SUPT3H: variants seen among roughly 807,000 people sequenced by gnomAD.
SUPT3H encodes the protein SPT3 homolog, SAGA and STAGA complex component, also known as transcription initiation protein SPT3 homolog.
SUPT3H carries 44 observed loss-of-function variants against 44.3 expected under a neutral mutation model. The ratio of observed to expected loss-of-function variants is 0.99; its 90% CI spans 0.78 to 1.28. The LOEUF (loss-of-function observed/expected upper bound fraction) is 1.28. Ranked by LOEUF, SUPT3H falls within the 50% of genes most tolerant of loss-of-function variation. The probability of loss-of-function intolerance (pLI) is 0.00; values close to 1 mark genes in which losing one functional copy is unlikely to be tolerated. For missense variants in SUPT3H, 380 were observed against 387.1 expected, an observed-to-expected ratio of 0.98 and a Z score of 0.15; for synonymous variants, 124 against 125.6, an observed-to-expected ratio of 0.99 and a Z score of 0.09.
chr6:44,906,183 TTA>T (rs1045188170), intron 10 of SUPT3H, among the ~76,000 whole-genome samples: 1 of 152,118 alleles, frequency 6.6e-6, no homozygotes, highest in African/African-American at 2.4e-5. Flanking sequence ...TAAAACTATT[TTA>T]GTTATTTTGA....
intron 2 of SUPT3H, among the ~76,000 whole-genome samples, chr6:45,223,322 T>C: frequency 6.6e-6 from 1 of 152,182 alleles, no homozygotes; most frequent in Admixed American, 6.5e-5. Flanking sequence ...ATACACAGGA[T>C]CTGTCTGTAT....
At chr6:44,923,969 C>T (rs1310452053) in intron 10 of SUPT3H, among the ~76,000 whole-genome samples, 1 of 152,082 alleles carries the variant, frequency 6.6e-6, no homozygotes, top group African/African-American at 2.4e-5. Context: ...AAATTTAACT[C>T]TCAAACTTCA....
intron 2 of SUPT3H, among the ~76,000 whole-genome samples, chr6:45,179,672 T>A (rs945162250): frequency 1.3e-5 from 2 of 152,144 alleles, no homozygotes; most frequent in African/African-American, 2.4e-5. Context: ...TTGACAAAAT[T>A]CAACAACGCT....
chr6:45,195,809 C>T (rs745687780), intron 2 of SUPT3H, among the ~76,000 whole-genome samples: 1 of 152,020 alleles, frequency 6.6e-6, no homozygotes, highest in Non-Finnish European at 1.5e-5. Flanking sequence ...CTGCCCCAAA[C>T]ATAAGGTGAA....
intron 11 of SUPT3H, among the ~76,000 whole-genome samples, chr6:44,814,302 G>A (rs1766752517): frequency 6.6e-6 from 1 of 152,142 alleles, no homozygotes; most frequent in Admixed American, 6.6e-5. Context: ...CTCCCAACAG[G>A]TTATTTAAGG....
At chr6:44,933,900 A>G (rs879577532) in intron 9 of SUPT3H, among the ~76,000 whole-genome samples, 2 of 152,246 alleles carry the variant, frequency 1.3e-5, no homozygotes, top group Non-Finnish European at 2.9e-5. Flanking sequence ...CTCCTGACTC[A>G]GCCTCCTGGG....
At chr6:45,061,605 G>C (rs917649799) in intron 3 of SUPT3H, among the ~76,000 whole-genome samples, 4 of 152,082 alleles carry the variant, frequency 2.6e-5, no homozygotes, top group African/African-American at 9.7e-5. Context: ...TAAAATAAAA[G>C]TTGAAGAAAC....
intron 2 of SUPT3H, among the ~76,000 whole-genome samples, chr6:45,150,942 C>T (rs572692871): frequency 6.6e-6 from 1 of 152,054 alleles, no homozygotes; most frequent in South Asian, 2.1e-4. Context: ...AGGCTGGTCT[C>T]GAACTCCTGA....
chr6:44,927,526 T>A (rs1302602184), intron 10 of SUPT3H, among the ~76,000 whole-genome samples: 1 of 152,188 alleles, frequency 6.6e-6, no homozygotes, highest in Non-Finnish European at 1.5e-5. Flanking sequence ...ACACTGAAAT[T>A]GAAGAAACTT....
intron 2 of SUPT3H, among the ~76,000 whole-genome samples, chr6:45,306,089 T>A (rs1020474767): frequency 6.6e-6 from 1 of 152,164 alleles, no homozygotes; most frequent in South Asian, 2.1e-4. Context: ...ATGATACATA[T>A]CAGTGCCATT....
At chr6:45,250,920 G>A (rs952478622) in intron 2 of SUPT3H, 4 of 151,766 alleles carry the variant, frequency 2.6e-5, no homozygotes, top group Admixed American at 2.6e-4. Context: ...TTGAACTCCT[G>A]GGCTCAAGCA....
intron 2 of SUPT3H, among the ~76,000 whole-genome samples, chr6:45,363,208 A>C (rs1377348229): frequency 6.6e-6 from 1 of 152,194 alleles, no homozygotes; most frequent in African/African-American, 2.4e-5. Context: ...ATAGATGAAT[A>C]AGCCTGGGTA....
At chr6:45,215,408 A>G (rs1433576437) in intron 2 of SUPT3H, among the ~76,000 whole-genome samples, 3 of 152,172 alleles carry the variant, frequency 2.0e-5, no homozygotes, top group Non-Finnish European at 2.9e-5. Context: ...ACAAAACTCA[A>G]TGAGATACAA....
intron 6 of SUPT3H, among the ~76,000 whole-genome samples, chr6:44,971,895 C>T (rs1777622636): frequency 1.3e-5 from 2 of 152,296 alleles, no homozygotes; most frequent in African/African-American, 4.8e-5. Flanking sequence ...GCCTCAGCAT[C>T]CCGAGTAGCT....
chr6:45,044,200 T>C (rs1476689785), intron 3 of SUPT3H, among the ~76,000 whole-genome samples: 1 of 152,196 alleles, frequency 6.6e-6, no homozygotes, highest in Non-Finnish European at 1.5e-5. Context: ...TGCCAATCTC[T>C]ATTATCATTT....
chr6:44,928,889 AAAAAAAAAAAAAAAAG>A (rs1215942332), intron 10 of SUPT3H, among the ~76,000 whole-genome samples: 1 of 131,504 alleles, frequency 7.6e-6, no homozygotes, highest in East Asian at 2.3e-4. Flanking sequence ...TCTCAAAAAA[AAAAAAAAAAAAAAAAG>A]AAAAGAAAAG....
At chr6:45,211,851 TAAA>T (rs200790429) in intron 2 of SUPT3H, among the ~76,000 whole-genome samples, 1 of 131,994 alleles carries the variant, frequency 7.6e-6, no homozygotes, top group African/African-American at 2.9e-5. Flanking sequence ...CCGTCTCAAC[TAAA>T]AAAAAAAAAA....
chr6:44,870,650 A>G (rs1410354377), intron 10 of SUPT3H, among the ~76,000 whole-genome samples: 6 of 151,372 alleles, frequency 4.0e-5, no homozygotes, highest in African/African-American at 1.5e-4. Flanking sequence ...AGGAGCCAAG[A>G]TGGCCGAATA....
At chr6:45,114,931 A>G (rs926315432) in intron 2 of SUPT3H, among the ~76,000 whole-genome samples, 3 of 152,146 alleles carry the variant, frequency 2.0e-5, no homozygotes, top group African/African-American at 7.2e-5. Context: ...TAAAACTAGG[A>G]CTTTTACCTC....
Sources: allele counts gnomAD v4.1 joint callset (sites outside exome capture counted in the v4.1 genomes callset), GRCh38; gene constraint gnomAD v4.1.1; transcripts MANE v1.5; gene names NCBI Gene and HGNC (gene_info 2026-07-23, HGNC 2026-07-21).